Variants in NBEA observed in about 807,000 individuals in gnomAD.
The protein encoded by NBEA is lysosomal-trafficking regulator 2.
Under a neutral mutation model 343.4 loss-of-function variants are expected in NBEA, and 44 were observed. That is an observed-to-expected ratio of 0.13 (90% CI 0.10 to 0.16). The LOEUF is 0.16. Among genes scored for constraint, NBEA ranks in the 10% least tolerant of loss-of-function variants. The pLI is 1.00. For missense variants in NBEA, 2,555 were observed against 3,631.3 expected (o/e 0.70, Z 7.62); for synonymous variants, 1,175 against 1,238.7 (o/e 0.95, Z 1.08).
At chr13:35,124,797 T>C (rs1481281803) in intron 17 of NBEA, among the ~76,000 whole-genome samples, 1 of 151,320 alleles carries the variant, frequency 6.6e-6, no homozygotes, top group Non-Finnish European at 1.5e-5. Context: ...TACACACATA[T>C]ATGGATATAT....
intron 58 of NBEA, 83 bp downstream of exon 58, chr13:35,668,602 T>A: frequency 3.1e-6 from 4 of 1,300,212 alleles, no homozygotes; most frequent in Non-Finnish European, 4.1e-6. Context: ...AATTGTGCTG[T>A]GAGTGCAATT....
chr13:35,170,422 T>A (rs2070373828), intron 25 of NBEA, among the ~76,000 whole-genome samples: 1 of 151,862 alleles, frequency 6.6e-6, no homozygotes, highest in Non-Finnish European at 1.5e-5. Context: ...CTTGAGGCAC[T>A]GATAAAATGA....
At chr13:34,947,859 C>A (rs1217270800) in intron 1 of NBEA, among the ~76,000 whole-genome samples, 2 of 152,122 alleles carry the variant, frequency 1.3e-5, no homozygotes, top group Middle Eastern at 3.2e-3. Context: ...TTATGTATTT[C>A]TTATTCCTCA....
At position 35,230,249 on chromosome 13, in the gene NBEA, T is replaced by C. The variant is rs567193144; in HGVS notation, c.5649-2243T>C. 1.9e-3 allele frequency among the ~76,000 whole-genome samples: 287 copies of C among 152,236 alleles called. 2 individuals are homozygous for C. The highest frequency in any genetic ancestry group is 3.0e-3 in the Admixed American group (46 of 15,262). Reference sequence around the variant, plus strand: ...AGAAGTAATCAGTTGCTCGGATTAATTGAAGTTCTATTTTGTATTTAACTT... The same window carrying C: ...AGAAGTAATCAGTTGCTCGGATTAACTGAAGTTCTATTTTGTATTTAACTT... On this transcript the variant is annotated intron_variant, in intron 33 of 58. Transcript: ENST00000379939.
intron 45 of NBEA, among the ~76,000 whole-genome samples, chr13:35,580,601 T>C (rs1429052948): frequency 6.6e-6 from 1 of 152,186 alleles, no homozygotes; most frequent in Admixed American, 6.5e-5. Context: ...ATGTCATCTA[T>C]GACAAAATTC....
chr13:35,422,007 G>GT (rs2044303315), intron 38 of NBEA, among the ~76,000 whole-genome samples: 1 of 150,870 alleles, frequency 6.6e-6, no homozygotes, highest in Admixed American at 6.6e-5. Flanking sequence ...GATTTATCAT[G>GT]TTTAGAGTTC....
intron 1 of NBEA, among the ~76,000 whole-genome samples, chr13:35,024,606 A>G (rs967851688): frequency 8.5e-5 from 13 of 152,216 alleles, no homozygotes; most frequent in Admixed American, 7.9e-4. Flanking sequence ...TTTGAACCTG[A>G]TAGGCGGAGT....
intron 38 of NBEA, among the ~76,000 whole-genome samples, chr13:35,401,015 C>A (rs553849907): frequency 6.6e-6 from 1 of 152,064 alleles, no homozygotes; most frequent in East Asian, 1.9e-4. Context: ...CAGCAGAATT[C>A]ATAATTCCTT....
intron 48 of NBEA, among the ~76,000 whole-genome samples, chr13:35,624,131 A>T (rs1420514888): frequency 6.6e-6 from 1 of 151,870 alleles, no homozygotes; most frequent in African/African-American, 2.4e-5. Flanking sequence ...CAGGAAAAAG[A>T]TAGGGATTTT....
At chr13:35,141,669 G>C (rs373251372) in intron 17 of NBEA, among the ~76,000 whole-genome samples, 2 of 152,310 alleles carry the variant, frequency 1.3e-5, no homozygotes, top group East Asian at 3.9e-4. Context: ...TCTATCCTGA[G>C]TATGGGTGTG....
rs180770531 is a variant in NBEA at position 35,323,445 on chromosome 13, C to T, written c.5903+13853C>T. Among the ~76,000 whole-genome samples the T allele has an allele frequency of 1.5e-4, 23 of 151,726 alleles. No homozygotes were observed. The East Asian group carries it at 4.3e-3, about 28-fold the overall frequency. ...ATGGATGAAATTGGAAATCATCATT[C>T]TTAGTAAACTATCGCAAGAACAAAA... On this transcript the variant is annotated intron_variant, in intron 36 of 58. Coordinates refer to ENST00000379939, the MANE Select transcript of NBEA (RefSeq NM_001385012.1).
chr13:35,270,823 A>C (rs1384194536), intron 34 of NBEA, among the ~76,000 whole-genome samples: 1 of 152,060 alleles, frequency 6.6e-6, no homozygotes, highest in African/African-American at 2.4e-5. Context: ...ATATGCTCAC[A>C]GTGTAAACAA....
chr13:35,653,566 A>T (rs2084665936), intron 53 of NBEA, among the ~76,000 whole-genome samples: 1 of 152,006 alleles, frequency 6.6e-6, no homozygotes, highest in African/African-American at 2.4e-5. Context: ...CCTGACCTTA[A>T]GTGATCTGCC....
chr13:35,545,425 T>C (rs1277784028), intron 41 of NBEA, among the ~76,000 whole-genome samples: 2 of 152,178 alleles, frequency 1.3e-5, no homozygotes, highest in African/African-American at 2.4e-5. Context: ...TCCCAGTGCC[T>C]GTGAGCAGAG....
chr13:35,332,016 A>G (rs77394734), intron 36 of NBEA, among the ~76,000 whole-genome samples: 1,593 of 151,884 alleles, frequency 0.01, 25 homozygotes, highest in African/African-American at 0.03. Context: ...TTAAAATTCT[A>G]TTTTTCTTAG....
At chr13:34,998,545 C>T (rs1268922088) in intron 1 of NBEA, among the ~76,000 whole-genome samples, 2 of 152,132 alleles carry the variant, frequency 1.3e-5, no homozygotes, top group Non-Finnish European at 2.9e-5. Context: ...AGAGGCCTCC[C>T]CTCAGGGACG....
intron 7 of NBEA, 52 bp downstream of exon 7, chr13:35,056,181 A>G (rs2063251290): frequency 6.3e-6 from 9 of 1,417,828 alleles, no homozygotes; most frequent in East Asian, 2.5e-5. Flanking sequence ...AGTATGATCT[A>G]TCATTACAAT....
chr13:35,001,706 A>G (rs1410811723), intron 1 of NBEA, among the ~76,000 whole-genome samples: 2 of 152,242 alleles, frequency 1.3e-5, no homozygotes, highest in Middle Eastern at 3.4e-3. Flanking sequence ...GTAAAAGGCT[A>G]TTGTAATTTT....
At position 35,265,228 on chromosome 13, in the gene NBEA, C is replaced by T. The variant is rs76229453; in HGVS notation, c.5777-25161C>T. Among the ~76,000 whole-genome samples the T allele has an allele frequency of 4.0e-3, 607 of 151,692 alleles. 19 individuals are homozygous for T. The East Asian group carries it at 0.098, about 25-fold the overall frequency. On this transcript the variant is annotated intron_variant, in intron 34 of 58. Transcript: ENST00000379939. Reference sequence around the variant, plus strand: ...TATAAAACATAGATGAAAGAAATGGCGGAAGACACAAATAATGAAAACCCA... The same window carrying T: ...TATAAAACATAGATGAAAGAAATGGTGGAAGACACAAATAATGAAAACCCA...
Sources: allele counts gnomAD v4.1 joint callset (sites outside exome capture counted in the v4.1 genomes callset), GRCh38; gene constraint gnomAD v4.1.1; transcripts MANE v1.5; gene names NCBI Gene and HGNC (gene_info 2026-07-23, HGNC 2026-07-21).